CTC1: variants seen among roughly 807,000 people sequenced by gnomAD.
CTC1 encodes the protein CST telomere replication complex component 1, also known as CST complex subunit CTC1.
A neutral mutation model predicts 136.3 loss-of-function variants in CTC1; 91 were observed. That is an observed-to-expected ratio of 0.67 (90% CI 0.56 to 0.79). CTC1 has a LOEUF of 0.79. CTC1 is among the 30% of genes least tolerant of loss of function. CTC1 has a pLI of 0.00. For synonymous variants in CTC1, 606 were observed against 613.8 expected, an observed-to-expected ratio of 0.99 and a Z score of 0.19; for missense variants, 1,432 against 1,498.1, an observed-to-expected ratio of 0.96 and a Z score of 0.73.
chr17:8,240,070 G>A (rs867572078), intron 2 of CTC1, among the ~76,000 whole-genome samples: 2 of 152,056 alleles, frequency 1.3e-5, no homozygotes, highest in Admixed American at 6.6e-5. Context: ...AAAGCTAGAT[G>A]TGCCTCATTC....
intron 20 of CTC1, 44 bp downstream of exon 20, chr17:8,229,098 C>T: frequency 1.3e-6 from 2 of 1,595,160 alleles, no homozygotes; most frequent in Non-Finnish European, 1.7e-6. Context: ...ACAAAGTGGT[C>T]TCATAAGTAA....
chr17:8,246,920 ACACACG>A (rs1555537627), intron 1 of CTC1, among the ~76,000 whole-genome samples: 1 of 151,684 alleles, frequency 6.6e-6, no homozygotes, highest in Non-Finnish European at 1.5e-5. Flanking sequence ...ACACACACAC[ACACACG>A]CACACAAACC....
chr17:8,230,708 A>G, intron 15 of CTC1, 57 bp from the exon 16 acceptor site: 1 of 1,456,342 alleles, frequency 6.9e-7, no homozygotes, highest in South Asian at 1.1e-5. Context: ...CAGAGTGGAG[A>G]CAGTCAGATT....
rs1468250710 is a variant in CTC1, at chr17:8,226,250, T to TA, written c.*1929_*1930insT. 1.3e-5 allele frequency: 2 copies of TA among 152,294 alleles called. No homozygotes were observed. The highest frequency in any genetic ancestry group is 2.4e-5 in the African/African-American group (1 of 41,448). The allele number at this position is 152,294 out of a possible 1,614,324, so 9.4% of individuals were successfully genotyped here. A position where few individuals can be genotyped will look rare whatever the true frequency, so the allele number is the denominator to read the frequency against. On this transcript the variant is annotated 3_prime_UTR_variant, in exon 23 of 23. Coordinates refer to ENST00000651323, the MANE Select transcript of CTC1 (RefSeq NM_025099.6). ...AATTGAATAAAGGCACCGCTGGGATTCGAACCCAGGATCTCCTGTTTACTA... is the reference window on the plus strand; with the variant it reads ...AATTGAATAAAGGCACCGCTGGGATTACGAACCCAGGATCTCCTGTTTACTA...
At chr17:8,229,814 A>G in intron 18 of CTC1, 77 bp downstream of exon 18, 1 of 1,280,994 alleles carries the variant, frequency 7.8e-7, no homozygotes, top group Non-Finnish European at 1.1e-6. Context: ...ATGATGGCAA[A>G]ATCTTCAGAA....
At position 8,232,387 on chromosome 17, in the gene CTC1, T is replaced by C; in HGVS notation, c.2034A>G (p.Pro678=). Residue 678 remains proline, a synonymous_variant, in exon 12 of 23, where the codon CCA becomes CCG. Coordinates refer to ENST00000651323, the MANE Select transcript of CTC1 (RefSeq NM_025099.6). ...TGGCCTGCTGCTTCTGGATGAAGCC[T>C]GGCATGCTCAGCTCCTTCCAGGAAG... ...SFPSWKELSM[P]GFIQKQQARV... is the part of the protein sequence containing the mutation. The C allele has an allele frequency of 6.2e-7, 1 of 1,614,116 alleles. No individual in the cohort carries two copies. The highest frequency in any genetic ancestry group is 8.5e-7 in the Non-Finnish European group (1 of 1,179,968).
rs75790638 is a variant in CTC1 at position 8,235,185 on chromosome 17, C to T, written c.1307G>A (p.Arg436His). The T allele has an allele frequency of 2.5e-3, 4,025 of 1,614,120 alleles. 80 individuals are homozygous for T. The African/African-American group carries it at 0.046, about 18-fold the overall frequency. Residue 436 changes from arginine to histidine, a missense_variant, in exon 8 of 23, where the codon CGT (arginine) becomes CAT (histidine). By Grantham distance (29) the Arg-to-His change is conservative (BLOSUM62 0). Transcript: ENST00000651323. ...RGAVLLQSFS[R>H]QKPGAHSSRQ... is the part of the protein sequence containing the mutation. ...GGATGAGTGAGCCCCAGGCTTCTGA[C>T]GAGAGAAGCTTTGAAGCAGAACGGC...
intron 1 of CTC1, among the ~76,000 whole-genome samples, chr17:8,246,702 T>A (rs1188389539): frequency 6.6e-6 from 1 of 151,848 alleles, no homozygotes; most frequent in African/African-American, 2.4e-5. Context: ...CTGGCTAACA[T>A]GGTGAAACAC....
chr17:8,240,830 C>T (rs552246299), intron 2 of CTC1, among the ~76,000 whole-genome samples: 1 of 151,798 alleles, frequency 6.6e-6, no homozygotes, highest in East Asian at 2.0e-4. Flanking sequence ...GAGCAGAGAT[C>T]GCGATATTGC....
chr17:8,235,341 C>A (rs2151520614), intron 7 of CTC1, 56 bp from the exon 8 acceptor site: 3 of 1,374,304 alleles, frequency 2.2e-6, no homozygotes, highest in Middle Eastern at 3.6e-4. Flanking sequence ...ACTCAATGAA[C>A]CCAGGCAGAG....
At position 8,237,420 on chromosome 17, in the gene CTC1, A is replaced by G. The variant is rs1242276231; in HGVS notation, c.747T>C (p.Leu249=). 6.2e-7 allele frequency: 1 copy of G among 1,614,044 alleles called. No homozygotes were observed. Among genetic ancestry groups the G allele is most frequent in the Non-Finnish European group, 8.5e-7 (1 of 1,179,988 alleles). Residue 249 remains leucine (L), a synonymous_variant, in exon 5 of 23, where the codon CTT becomes CTC. Transcript: ENST00000651323. Reference sequence around the variant, plus strand: ...GGGTGACAGCTGGGTGTGATCTACCAAGAGACAGGATGAAGTAAGCTTTCT... The same window carrying G: ...GGGTGACAGCTGGGTGTGATCTACCGAGAGACAGGATGAAGTAAGCTTTCT... The part of the protein sequence containing the change: ...SKQKAYFILS[L]GRSHPAVTHV...
At chr17:8,242,047 A>T (rs567824838) in intron 2 of CTC1, among the ~76,000 whole-genome samples, 5 of 150,788 alleles carry the variant, frequency 3.3e-5, no homozygotes, top group East Asian at 1.9e-4. Flanking sequence ...ATTTTTTTTT[A>T]AATATGGAGT....
intron 2 of CTC1, among the ~76,000 whole-genome samples, chr17:8,241,960 G>C (rs533217802): frequency 6.6e-6 from 1 of 151,416 alleles, no homozygotes; most frequent in East Asian, 1.9e-4. Context: ...CTTAAGGATA[G>C]ATGCATGTGT....
chr17:8,247,349 G>A (rs1370230527), intron 1 of CTC1, among the ~76,000 whole-genome samples: 1 of 110,200 alleles, frequency 9.1e-6, no homozygotes, highest in Non-Finnish European at 1.7e-5. Context: ...TCGCTCTGTT[G>A]CCCAGGCTGG....
intron 2 of CTC1, among the ~76,000 whole-genome samples, chr17:8,242,579 T>TATATATATAC (rs1248128493): frequency 1.6e-5 from 2 of 127,946 alleles, no homozygotes; most frequent in African/African-American, 5.7e-5. Flanking sequence ...TATATATATA[T>TATATATATAC]ACACATATAT....
At chr17:8,242,472 C>T (rs1988308295) in intron 2 of CTC1, among the ~76,000 whole-genome samples, 3 of 146,750 alleles carry the variant, frequency 2.0e-5, no homozygotes, top group Non-Finnish European at 3.0e-5. Context: ...TAGCTATGAA[C>T]CCCTTTTCTT....
Position 8,232,039 on chromosome 17 carries a change from G to T in CTC1, c.2249C>A (p.Pro750Gln), listed in dbSNP as rs1417430299. 3 of 1,577,810 alleles carry T rather than the reference G, an allele frequency of 1.9e-6. No homozygotes were observed. The highest frequency in any genetic ancestry group is 2.2e-5 in the East Asian group (1 of 44,782). ...CTTGGGCACCTCTGGACTTGCTCCT[G>T]GGGGGACACAAAAATTACGCTTCAT... ...ALMKRNFCVP[P>Q]GASPEVPKPA... Residue 750 changes from proline (P) to glutamine (Q), a missense_variant, in exon 13 of 23, where the codon CCA (proline) becomes CAA (glutamine). By Grantham distance (76) the Pro-to-Gln change is moderately conservative. Coordinates refer to ENST00000651323, the MANE Select transcript of CTC1 (RefSeq NM_025099.6).
rs373483074 is a variant in CTC1, at chr17:8,247,995, A to G, written c.33+9T>C. ...AAAAAGGAACAAGAGACGTAATAGC[A>G]GCACTCACGGAGGAAGGGACCTGGG... is the stretch of plus-strand genomic sequence containing the variant. On this transcript the variant is annotated intron_variant, in intron 1 of 22. Transcript: ENST00000651323. 17 of 1,563,394 alleles carry G rather than the reference A, an allele frequency of 1.1e-5. No homozygotes were observed. The African/African-American group carries it at 2.0e-4, about 19-fold the overall frequency.
In CTC1 at chr17:8,236,984, T is replaced by C. The variant is rs967305008; in HGVS notation, c.792+391A>G. Among the ~76,000 whole-genome samples, 23 of 150,420 alleles carry C rather than the reference T, an allele frequency of 1.5e-4. No homozygotes were observed. The Admixed American group carries it at 1.5e-3, about 10-fold the overall frequency. On this transcript the variant is annotated intron_variant, in intron 5 of 22. Coordinates refer to ENST00000651323, the MANE Select transcript of CTC1 (RefSeq NM_025099.6). Reference sequence around the variant, plus strand: ...ACCTCATGAGTCTAAAAGTTGAAATTATAAAAATAAAATTGTACCAGTTGA... The same window carrying C: ...ACCTCATGAGTCTAAAAGTTGAAATCATAAAAATAAAATTGTACCAGTTGA...
Sources: gnomAD v4.1 joint callset for allele counts (sites outside exome capture counted in the v4.1 genomes callset) on GRCh38, gnomAD v4.1.1 for gene constraint, MANE v1.5 for transcripts, NCBI Gene and HGNC (gene_info 2026-07-23, HGNC 2026-07-21) for gene names.